ZNF487: variants seen among roughly 807,000 people sequenced by gnomAD.
The protein encoded by ZNF487 is KRAB domain only 1.
A neutral mutation model predicts 3.0 loss-of-function variants in ZNF487; 4 were observed. That is an observed-to-expected ratio of 1.35 (90% CI 0.66 to 3.08). The LOEUF is 3.08. Among genes scored for constraint, ZNF487 ranks in the 30% most tolerant of loss-of-function variants. The pLI is 0.01. For synonymous variants in ZNF487, 55 were observed against 34.6 expected (o/e 1.59, Z -2.06); for missense variants, 146 against 98.7 (o/e 1.48, Z -2.03).
chr10:43,456,176 C>T (rs1033858640), intron 1 of ZNF487, among the ~76,000 whole-genome samples: 1 of 152,078 alleles, frequency 6.6e-6, no homozygotes, highest in Non-Finnish European at 1.5e-5. Flanking sequence ...AGAACCAACC[C>T]GAGATTCTGG....
At chr10:43,500,896 T>C in the ZNF487 span, among the ~76,000 whole-genome samples, 10 of 152,158 alleles carry the variant, frequency 6.6e-5, no homozygotes, top group South Asian at 2.1e-3. Flanking sequence ...CACCTAATAA[T>C]ATCTTGAAAT....
the ZNF487 span, among the ~76,000 whole-genome samples, chr10:43,521,901 G>C: frequency 8.4e-6 from 1 of 119,148 alleles, no homozygotes; most frequent in Non-Finnish European, 1.7e-5. Flanking sequence ...GAAAAGTAAA[G>C]GATGACTTTA....
chr10:43,512,441 T>C, the ZNF487 span, among the ~76,000 whole-genome samples: 1 of 152,200 alleles, frequency 6.6e-6, no homozygotes, highest in East Asian at 1.9e-4. Context: ...ACCCAGTTCA[T>C]AATAGGCAGT....
intron 1 of ZNF487, among the ~76,000 whole-genome samples, chr10:43,439,594 T>A (rs1242475488): frequency 6.6e-6 from 1 of 151,700 alleles, no homozygotes; most frequent in African/African-American, 2.4e-5. Flanking sequence ...TCCCAACTAC[T>A]CAGGAAGCTG....
chr10:43,447,718 C>T (rs1434476044), intron 1 of ZNF487, among the ~76,000 whole-genome samples: 10 of 152,166 alleles, frequency 6.6e-5, no homozygotes, highest in Non-Finnish European at 1.2e-4. Context: ...TGGGACGCTG[C>T]AGGTCTCTGG....
At chr10:43,479,800 A>G (rs1588745287) in intron 3 of ZNF487, among the ~76,000 whole-genome samples, 1 of 151,878 alleles carries the variant, frequency 6.6e-6, no homozygotes, top group Non-Finnish European at 1.5e-5. Context: ...GGCACCCACC[A>G]CTGTGTCCTG....
chr10:43,472,632 A>G (rs1479626195), intron 1 of ZNF487, among the ~76,000 whole-genome samples: 1 of 152,014 alleles, frequency 6.6e-6, no homozygotes, highest in Non-Finnish European at 1.5e-5. Context: ...GTAAAAGCCA[A>G]AGTTCCACCA....
At chr10:43,455,158 G>A (rs1006432045) in intron 1 of ZNF487, among the ~76,000 whole-genome samples, 1 of 151,662 alleles carries the variant, frequency 6.6e-6, no homozygotes, top group East Asian at 2.0e-4. Flanking sequence ...ATAGGCGCCC[G>A]CCACCACGCC....
intron 1 of ZNF487, among the ~76,000 whole-genome samples, chr10:43,465,636 C>G (rs927933415): frequency 6.6e-6 from 1 of 151,644 alleles, no homozygotes; most frequent in Non-Finnish European, 1.5e-5. Context: ...GGATGGCAGC[C>G]GGGAAGAGGC....
chr10:43,444,503 C>T (rs149031073), intron 1 of ZNF487, among the ~76,000 whole-genome samples: 16 of 152,114 alleles, frequency 1.1e-4, no homozygotes, highest in South Asian at 2.1e-4. Flanking sequence ...TGTTGCCGGG[C>T]GTGGTGGCTT....
At chr10:43,446,730 G>C (rs1484658414) in intron 1 of ZNF487, among the ~76,000 whole-genome samples, 1 of 151,778 alleles carries the variant, frequency 6.6e-6, no homozygotes, top group African/African-American at 2.4e-5. Flanking sequence ...GGGCAGAGGG[G>C]CTCCTCACAT....
the ZNF487 span, among the ~76,000 whole-genome samples, chr10:43,519,913 G>GC: frequency 1.3e-5 from 2 of 152,134 alleles, no homozygotes; most frequent in Non-Finnish European, 2.9e-5. Context: ...TATCTTGTTT[G>GC]CCCTTTTCAT....
intron 1 of ZNF487, among the ~76,000 whole-genome samples, chr10:43,457,285 C>T (rs1290613178): frequency 6.6e-6 from 1 of 151,556 alleles, no homozygotes. Flanking sequence ...AACCCTAGCG[C>T]GGTGGCTAAC....
chr10:43,472,922 T>C (rs1318135322), intron 1 of ZNF487, among the ~76,000 whole-genome samples: 1 of 151,576 alleles, frequency 6.6e-6, no homozygotes, highest in Non-Finnish European at 1.5e-5. Context: ...GGCTCATGCC[T>C]GTAATCCAAG....
chr10:43,511,800 T>C, the ZNF487 span, among the ~76,000 whole-genome samples: 4 of 152,186 alleles, frequency 2.6e-5, no homozygotes, highest in African/African-American at 9.7e-5. Flanking sequence ...TCCACTTGAT[T>C]ATTAAAATCC....
chr10:43,445,715 G>T (rs1839771598), intron 1 of ZNF487, among the ~76,000 whole-genome samples: 1 of 151,322 alleles, frequency 6.6e-6, no homozygotes, highest in Non-Finnish European at 1.5e-5. Flanking sequence ...TCATTCTTGG[G>T]TGTTTCTCCG....
chr10:43,495,356 A>C, the ZNF487 span, among the ~76,000 whole-genome samples: 120 of 151,826 alleles, frequency 7.9e-4, no homozygotes, highest in African/African-American at 2.8e-3. Flanking sequence ...CGATTCTCCC[A>C]CCTCAGCCTC....
At chr10:43,507,991 T>G in the ZNF487 span, among the ~76,000 whole-genome samples, 1 of 152,214 alleles carries the variant, frequency 6.6e-6, no homozygotes, top group Non-Finnish European at 1.5e-5. Context: ...AAGGATAGTT[T>G]CAGTCCACCC....
At chr10:43,466,305 A>G (rs982193084) in intron 1 of ZNF487, among the ~76,000 whole-genome samples, 1 of 151,716 alleles carries the variant, frequency 6.6e-6, no homozygotes, top group African/African-American at 2.4e-5. Flanking sequence ...CAGCCTCCCA[A>G]AGTACTAGGA....
Sources: allele counts gnomAD v4.1 joint callset (sites outside exome capture counted in the v4.1 genomes callset), GRCh38; gene constraint gnomAD v4.1.1; transcripts MANE v1.5; gene names NCBI Gene and HGNC (gene_info 2026-07-23, HGNC 2026-07-21).